Variants in TPST1 observed in about 807,000 individuals in gnomAD.
TPST1 encodes tyrosylprotein sulfotransferase 1, also known as protein-tyrosine sulfotransferase 1.
TPST1 carries 20 observed loss-of-function variants against 34.8 expected under a neutral mutation model. That is an observed-to-expected ratio of 0.57 (90% CI 0.40 to 0.84). TPST1 has a LOEUF of 0.84. Ranked by LOEUF, TPST1 falls within the 40% of genes least tolerant of loss-of-function variation. TPST1 has a pLI of 0.00. For synonymous variants in TPST1, 152 were observed against 159.4 expected (o/e 0.95, Z 0.35); for missense variants, 353 against 455.5 (o/e 0.78, Z 2.05).
At chr7:66,207,867 C>G (rs1298493003) in intron 1 of TPST1, among the ~76,000 whole-genome samples, 1 of 152,178 alleles carries the variant, frequency 6.6e-6, no homozygotes, top group Admixed American at 6.5e-5. Context: ...AAGATCTTTA[C>G]TCTAGAAACC....
At chr7:66,237,549 C>A (rs796255554) in intron 1 of TPST1, among the ~76,000 whole-genome samples, 6 of 152,164 alleles carry the variant, frequency 3.9e-5, no homozygotes, top group African/African-American at 1.4e-4. Flanking sequence ...TTTACTGTAT[C>A]CTTAGGGTTC....
chr7:66,250,089 C>T (rs141676321), intron 2 of TPST1, among the ~76,000 whole-genome samples: 232 of 152,300 alleles, frequency 1.5e-3, no homozygotes, highest in African/African-American at 5.4e-3. Flanking sequence ...ATCTATAAAA[C>T]AGGGAAGATG....
chr7:66,209,856 T>C (rs1445236007), intron 1 of TPST1, among the ~76,000 whole-genome samples: 4 of 152,160 alleles, frequency 2.6e-5, no homozygotes, highest in Admixed American at 2.0e-4. Flanking sequence ...TTTCTAGAGA[T>C]GGGAGTCTTG....
intron 2 of TPST1, among the ~76,000 whole-genome samples, chr7:66,255,021 C>A (rs541105543): frequency 6.6e-6 from 1 of 151,876 alleles, no homozygotes; most frequent in East Asian, 1.9e-4. Context: ...GTGGCGGGCG[C>A]CTGTAGTCCC....
At chr7:66,263,408 A>G (rs893338518) in intron 2 of TPST1, among the ~76,000 whole-genome samples, 1 of 152,144 alleles carries the variant, frequency 6.6e-6, no homozygotes, top group African/African-American at 2.4e-5. Context: ...TTTCTGGCCT[A>G]ATTGCTCAGT....
chr7:66,236,935 G>A (rs574734865), intron 1 of TPST1, among the ~76,000 whole-genome samples: 1 of 152,286 alleles, frequency 6.6e-6, no homozygotes, highest in South Asian at 2.1e-4. Context: ...AGCCAGTAAG[G>A]CATTTGTCCT....
chr7:66,338,783 C>G (rs1329358867), intron 3 of TPST1, among the ~76,000 whole-genome samples: 1 of 151,682 alleles, frequency 6.6e-6, no homozygotes. Context: ...AATACCAAAA[C>G]CTATGGGATA....
intron 3 of TPST1, among the ~76,000 whole-genome samples, chr7:66,307,208 C>T (rs191833794): frequency 1.5e-3 from 228 of 151,596 alleles, no homozygotes; most frequent in African/African-American, 5.3e-3. Flanking sequence ...AGGTCCGCCT[C>T]CCGGGTTCAT....
intron 3 of TPST1, among the ~76,000 whole-genome samples, chr7:66,298,757 T>C (rs80161447): frequency 0.014 from 2,058 of 152,272 alleles, 55 homozygotes; most frequent in African/African-American, 0.046. Flanking sequence ...TAGCTATACC[T>C]CTTCTTTTTG....
At chr7:66,253,651 A>G (rs928634819) in intron 2 of TPST1, among the ~76,000 whole-genome samples, 49 of 151,244 alleles carry the variant, frequency 3.2e-4, no homozygotes, top group South Asian at 6.4e-4. Flanking sequence ...GATTACAGGC[A>G]TGAGCCACTG....
At chr7:66,301,471 G>C (rs1791314803) in intron 3 of TPST1, among the ~76,000 whole-genome samples, 1 of 152,216 alleles carries the variant, frequency 6.6e-6, no homozygotes, top group Non-Finnish European at 1.5e-5. Flanking sequence ...TGATGGAAGA[G>C]GCCTGGCTTT....
intron 2 of TPST1, among the ~76,000 whole-genome samples, chr7:66,254,239 A>G (rs527715923): frequency 1.4e-4 from 22 of 152,240 alleles, no homozygotes; most frequent in East Asian, 1.2e-3. Context: ...TATCCATAAT[A>G]CAGTGGGCCT....
chr7:66,318,984 C>A (rs1417474613), intron 3 of TPST1, among the ~76,000 whole-genome samples: 2 of 152,082 alleles, frequency 1.3e-5, no homozygotes, highest in Non-Finnish European at 2.9e-5. Context: ...TTGTGGGTGA[C>A]TTTACTCTCT....
At chr7:66,305,352 T>C (rs1050232665) in intron 3 of TPST1, among the ~76,000 whole-genome samples, 6 of 152,206 alleles carry the variant, frequency 3.9e-5, no homozygotes, top group African/African-American at 1.4e-4. Flanking sequence ...AGATGGTCTT[T>C]GTTCTTTGCC....
chr7:66,335,433 C>A lies in TPST1; in HGVS notation c.1045-17072C>A, dbSNP rs1792077339. Among the ~76,000 whole-genome samples, 3 of 149,680 alleles carry A rather than the reference C, an allele frequency of 2.0e-5. No individual in the cohort carries two copies. The South Asian group carries it at 6.3e-4, about 32-fold the overall frequency. ...TCGCACCACTGAACGCCAGCCTGGGCAACAGAGCAAAACTGTGTCTCAAAA... is the reference window on the plus strand; with the variant it reads ...TCGCACCACTGAACGCCAGCCTGGGAAACAGAGCAAAACTGTGTCTCAAAA... On this transcript the variant is annotated intron_variant, in intron 3 of 5. Transcript: ENST00000304842.
chr7:66,335,487 T>G (rs1163690529), intron 3 of TPST1, among the ~76,000 whole-genome samples: 1 of 151,462 alleles, frequency 6.6e-6, no homozygotes, highest in Non-Finnish European at 1.5e-5. Context: ...TAACTTCCAG[T>G]GTACACTTAA....
At chr7:66,244,286 G>A (rs1486441230) in intron 2 of TPST1, among the ~76,000 whole-genome samples, 1 of 152,082 alleles carries the variant, frequency 6.6e-6, no homozygotes, top group Non-Finnish European at 1.5e-5. Flanking sequence ...TTAATACTTA[G>A]TTCAGTATTA....
At chr7:66,280,661 G>A (rs1019633119) in intron 2 of TPST1, among the ~76,000 whole-genome samples, 1 of 152,120 alleles carries the variant, frequency 6.6e-6, no homozygotes, top group Admixed American at 6.5e-5. Flanking sequence ...GGAGTGGTGA[G>A]AGAGGGCATC....
chr7:66,239,641 A>G (rs1277174161), intron 1 of TPST1, among the ~76,000 whole-genome samples: 2 of 152,244 alleles, frequency 1.3e-5, no homozygotes, highest in Non-Finnish European at 2.9e-5. Flanking sequence ...GCAAGTCTGA[A>G]TAGCAGAGAT....
Sources: gnomAD v4.1 joint callset for allele counts (sites outside exome capture counted in the v4.1 genomes callset) on GRCh38, gnomAD v4.1.1 for gene constraint, MANE v1.5 for transcripts, NCBI Gene and HGNC (gene_info 2026-07-23, HGNC 2026-07-21) for gene names.